OPA1: variants seen among roughly 807,000 people sequenced by gnomAD.
OPA1 encodes OPA1 mitochondrial dynamin like GTPase.
OPA1 carries 59 observed loss-of-function variants against 152.9 expected under a neutral mutation model. The ratio of observed to expected loss-of-function variants is 0.39; its 90% CI spans 0.31 to 0.48. OPA1 has a LOEUF of 0.48. Among genes scored for constraint, OPA1 ranks in the 20% least tolerant of loss-of-function variants. OPA1 has a pLI of 0.96. For synonymous variants in OPA1, 400 were observed against 389.9 expected (o/e 1.03, Z -0.31); for missense variants, 1,008 against 1,216.8 (o/e 0.83, Z 2.55).
chr3:193,617,661 T>A, intron 4 of OPA1, 123 bp from the exon 5 acceptor site: 1 of 761,098 alleles, frequency 1.3e-6, no homozygotes, highest in Non-Finnish European at 2.3e-6. Context: ...TTAAGTTTAA[T>A]CCTGGCATAT....
chr3:193,639,294 A>G (rs540042132), intron 11 of OPA1, among the ~76,000 whole-genome samples: 4 of 152,344 alleles, frequency 2.6e-5, no homozygotes, highest in South Asian at 4.1e-4. Flanking sequence ...ATAGATAATA[A>G]ATATAATACA....
chr3:193,677,712 C>T (rs952341395), intron 29 of OPA1, among the ~76,000 whole-genome samples: 1 of 152,170 alleles, frequency 6.6e-6, no homozygotes, highest in Admixed American at 6.5e-5. Flanking sequence ...CTGTGTCTCC[C>T]ACAGCCCTTC....
intron 16 of OPA1, among the ~76,000 whole-genome samples, chr3:193,644,929 G>C (rs1202522512): frequency 1.3e-5 from 2 of 152,082 alleles, no homozygotes; most frequent in East Asian, 1.9e-4. Context: ...TGGGCTTCAG[G>C]GGGTAGAAAC....
chr3:193,659,046 T>G, intron 24 of OPA1, 51 bp downstream of exon 24: 1 of 1,181,932 alleles, frequency 8.5e-7, no homozygotes, highest in Non-Finnish European at 1.3e-6. Flanking sequence ...GGTGAAGGAG[T>G]CATCCAACTT....
At chr3:193,603,888 C>G (rs190192611) in intron 1 of OPA1, among the ~76,000 whole-genome samples, 17 of 152,254 alleles carry the variant, frequency 1.1e-4, no homozygotes, top group South Asian at 1.0e-3. Context: ...ACACTCACAC[C>G]GTTGTGGTCT....
chr3:193,689,457 G>T (rs547716572), intron 29 of OPA1, among the ~76,000 whole-genome samples: 15 of 152,128 alleles, frequency 9.9e-5, no homozygotes, highest in African/African-American at 3.6e-4. Context: ...TTTTCATTTT[G>T]TGGTTTTCAT....
chr3:193,604,504 G>C (rs1202029907), intron 1 of OPA1, among the ~76,000 whole-genome samples: 1 of 152,182 alleles, frequency 6.6e-6, no homozygotes, highest in Non-Finnish European at 1.5e-5. Flanking sequence ...TATCCTCTCA[G>C]GTAAGAGGGA....
At chr3:193,600,982 TTTTG>T (rs1332255224) in intron 1 of OPA1, among the ~76,000 whole-genome samples, 2 of 152,164 alleles carry the variant, frequency 1.3e-5, no homozygotes, top group Non-Finnish European at 2.9e-5. Flanking sequence ...CAAAATTCAG[TTTTG>T]TTTAACACCA....
chr3:193,606,512 C>T (rs552340096), intron 1 of OPA1, among the ~76,000 whole-genome samples: 129 of 150,984 alleles, frequency 8.5e-4, no homozygotes, highest in African/African-American at 2.6e-3. Flanking sequence ...TGAGAACATG[C>T]GGTGTTTGGT....
Position 193,692,104 on chromosome 3 carries a change from G to A in OPA1, c.3025G>A (p.Glu1009Lys). The A allele has an allele frequency of 6.4e-7, 1 of 1,550,982 alleles. No individual in the cohort carries two copies. Residue 1009 changes from glutamate to lysine, a missense_variant, in exon 30 of 31, where the codon GAA becomes AAA. This residue lies in a region of OPA1 where 137 missense variants were observed against 171.0 expected (regional missense o/e 0.80). Coordinates refer to ENST00000361510, the MANE Select transcript of OPA1 (RefSeq NM_130837.3). ...EIQEKLDAFI[E>K]ALHQEK ...TCAAGAAAAACTTGATGCTTTCATT[G>A]AAGCTCTTCATCAGGAGAAATAAAT...
intron 25 of OPA1, 128 bp from the exon 26 acceptor site, chr3:193,662,694 C>T: frequency 1.3e-6 from 1 of 768,226 alleles, no homozygotes; most frequent in Non-Finnish European, 2.1e-6. Context: ...GTGTTTCTTT[C>T]TTGTTTGTTG....
chr3:193,670,296 G>C (rs942622921), intron 29 of OPA1, among the ~76,000 whole-genome samples: 2 of 152,054 alleles, frequency 1.3e-5, no homozygotes, highest in Non-Finnish European at 2.9e-5. Flanking sequence ...ATATTGTATA[G>C]AGTGTTAAAA....
intron 29 of OPA1, 194 bp from the exon 30 acceptor site, chr3:193,691,869 C>T (rs939168621): frequency 1.2e-5 from 6 of 510,734 alleles, no homozygotes; most frequent in South Asian, 2.5e-5. Context: ...TCTCTCCTCC[C>T]ACTTCCAAAA....
intron 1 of OPA1, chr3:193,603,466 C>T (rs1484313949): frequency 6.6e-6 from 1 of 152,206 alleles, no homozygotes; most frequent in Non-Finnish European, 1.5e-5. Context: ...GTATGAGCTT[C>T]AGTCTTAATA....
At chr3:193,648,638 T>TA (rs772812433) in intron 20 of OPA1, 157 bp from the exon 21 acceptor site, 1,602 of 569,534 alleles carry the variant, frequency 2.8e-3, no homozygotes, top group Middle Eastern at 3.6e-3. Context: ...ATGGCATTCC[T>TA]AAAAAAAAAC....
intron 1 of OPA1, among the ~76,000 whole-genome samples, chr3:193,606,340 A>G (rs1328565976): frequency 2.0e-5 from 3 of 152,140 alleles, no homozygotes; most frequent in African/African-American, 4.8e-5. Flanking sequence ...ATATGTATAC[A>G]TGTGCCATGT....
intron 1 of OPA1, among the ~76,000 whole-genome samples, chr3:193,606,871 A>G (rs1475815669): frequency 3.3e-5 from 5 of 152,178 alleles, no homozygotes; most frequent in African/African-American, 1.2e-4. Context: ...GAACTAGTTT[A>G]CAGTCCCACC....
chr3:193,681,633 G>C (rs1322480699), intron 29 of OPA1, among the ~76,000 whole-genome samples: 1 of 152,154 alleles, frequency 6.6e-6, no homozygotes, highest in East Asian at 1.9e-4. Context: ...CATTGAACAA[G>C]CCTGTTGGCA....
chr3:193,674,554 T>C (rs1005739025), intron 29 of OPA1, among the ~76,000 whole-genome samples: 1 of 152,220 alleles, frequency 6.6e-6, no homozygotes, highest in Non-Finnish European at 1.5e-5. Context: ...ATCCAAAATA[T>C]AGTTCTAATT....
Sources: gnomAD v4.1 joint callset for allele counts (sites outside exome capture counted in the v4.1 genomes callset) on GRCh38, gnomAD v4.1.1 for gene constraint, gnomAD v4.1.1 regional missense constraint, MANE v1.5 for transcripts, NCBI Gene and HGNC (gene_info 2026-07-23, HGNC 2026-07-21) for gene names.